PTPRQ: variants seen among roughly 807,000 people sequenced by gnomAD.
The protein encoded by PTPRQ is phosphatidylinositol phosphatase PTPRQ.
In PTPRQ, 199 loss-of-function variants were observed where a neutral mutation model predicts 246.0. That is an observed-to-expected ratio of 0.81 (90% CI 0.72 to 0.91). The LOEUF is 0.91. Ranked by LOEUF, PTPRQ falls within the 40% of genes least tolerant of loss-of-function variation. PTPRQ has a pLI of 0.00. For missense variants in PTPRQ, 2,624 were observed against 2,528.4 expected, an observed-to-expected ratio of 1.04 and a Z score of -0.81; for synonymous variants, 869 against 853.2, an observed-to-expected ratio of 1.02 and a Z score of -0.32.
intron 9 of PTPRQ, among the ~76,000 whole-genome samples, chr12:80,488,181 A>G (rs988580859): frequency 6.6e-6 from 1 of 151,620 alleles, no homozygotes; most frequent in Non-Finnish European, 1.5e-5. Context: ...TAATGTGATC[A>G]TGGGAGAGAC....
At chr12:80,514,730 GATT>G (rs894439665) in intron 17 of PTPRQ, among the ~76,000 whole-genome samples, 10 of 143,656 alleles carry the variant, frequency 7.0e-5, no homozygotes, top group African/African-American at 2.3e-4. Context: ...TATTATATAT[GATT>G]ATATTACATT....
At chr12:80,649,556 T>G (rs1221320500) in intron 36 of PTPRQ, 32 bp from the exon 37 acceptor site, 3 of 1,547,452 alleles carry the variant, frequency 1.9e-6, no homozygotes, top group Non-Finnish European at 2.6e-6. Flanking sequence ...CAATCTAACA[T>G]GACCCTATTT....
At chr12:80,637,649 A>C (rs896873933) in intron 35 of PTPRQ, among the ~76,000 whole-genome samples, 1 of 152,214 alleles carries the variant, frequency 6.6e-6, no homozygotes, top group Non-Finnish European at 1.5e-5. Context: ...CAGTACAGAG[A>C]TCTGTGTCCA....
intron 17 of PTPRQ, among the ~76,000 whole-genome samples, chr12:80,528,756 C>T (rs774574703): frequency 3.3e-5 from 5 of 152,206 alleles, no homozygotes; most frequent in Non-Finnish European, 7.3e-5. Flanking sequence ...TGAAATCTCT[C>T]TCTTTCAGTT....
intron 24 of PTPRQ, 31 bp downstream of exon 24, chr12:80,546,728 T>C: frequency 6.5e-7 from 1 of 1,540,292 alleles, no homozygotes. Context: ...CTAAAATGTT[T>C]CTTTTTATAT....
chr12:80,675,865 G>A (rs763643166), intron 43 of PTPRQ, among the ~76,000 whole-genome samples: 2 of 152,176 alleles, frequency 1.3e-5, no homozygotes, highest in Non-Finnish European at 2.9e-5. Flanking sequence ...TGTTGGCTCT[G>A]TGACTTTGTT....
chr12:80,480,803 A>T (rs888799238), intron 8 of PTPRQ, among the ~76,000 whole-genome samples: 2 of 152,110 alleles, frequency 1.3e-5, no homozygotes, highest in Non-Finnish European at 2.9e-5. Context: ...CGACACATAC[A>T]CTCTCCCAAG....
chr12:80,505,879 C>A, intron 14 of PTPRQ, 145 bp from the exon 15 acceptor site: 2 of 971,988 alleles, frequency 2.1e-6, no homozygotes, highest in Non-Finnish European at 2.8e-6. Context: ...TTTATTTATA[C>A]TTTACTTCAT....
intron 3 of PTPRQ, among the ~76,000 whole-genome samples, chr12:80,456,961 A>G (rs1050840641): frequency 1.3e-5 from 2 of 152,156 alleles, no homozygotes; most frequent in African/African-American, 4.8e-5. Context: ...CAGTTAAGCC[A>G]AGGTTATGAT....
chr12:80,601,111 T>G lies in PTPRQ; in HGVS notation c.4610-3948T>G, dbSNP rs533007346. ...CATGAGCTGACCACTATATTTAAAA[T>G]AGTAACGCCCTAAGCATCTTCATGC... is the stretch of plus-strand genomic sequence containing the variant. On this transcript the variant is annotated intron_variant, in intron 26 of 44. Coordinates refer to ENST00000644991, the MANE Select transcript of PTPRQ (RefSeq NM_001145026.2). Among the ~76,000 whole-genome samples, 3 of 152,018 alleles carry G rather than the reference T, an allele frequency of 2.0e-5. No individual in the cohort carries two copies. The East Asian group carries it at 5.8e-4, about 30-fold the overall frequency.
intron 8 of PTPRQ, among the ~76,000 whole-genome samples, chr12:80,474,657 A>G (rs1413374924): frequency 6.6e-6 from 1 of 152,246 alleles, no homozygotes; most frequent in Non-Finnish European, 1.5e-5. Context: ...CTCCAAAGCT[A>G]TAAAATGTCA....
intron 3 of PTPRQ, chr12:80,454,586 A>G (rs531764509): frequency 1.3e-5 from 9 of 701,940 alleles, no homozygotes; most frequent in African/African-American, 3.5e-5. Context: ...TCCGTTTAGG[A>G]TTATGTTGGC....
chr12:80,603,927 G>T (rs778326355), intron 26 of PTPRQ, among the ~76,000 whole-genome samples: 19 of 151,556 alleles, frequency 1.3e-4, no homozygotes, highest in Non-Finnish European at 2.5e-4. Context: ...CAACAATGTG[G>T]CAAATACTGA....
intron 14 of PTPRQ, among the ~76,000 whole-genome samples, chr12:80,501,713 A>G (rs1894804578): frequency 6.6e-6 from 1 of 151,940 alleles, no homozygotes; most frequent in South Asian, 2.1e-4. Flanking sequence ...GTCACTGGAA[A>G]TAGAAGGAAA....
intron 14 of PTPRQ, among the ~76,000 whole-genome samples, chr12:80,497,434 G>A (rs558736283): frequency 2.0e-5 from 3 of 152,176 alleles, no homozygotes; most frequent in East Asian, 1.9e-4. Flanking sequence ...TAATTCAGGC[G>A]ATAGGGAGTG....
chr12:80,555,118 T>C (rs1413512517), intron 25 of PTPRQ, among the ~76,000 whole-genome samples: 1 of 152,176 alleles, frequency 6.6e-6, no homozygotes, highest in Non-Finnish European at 1.5e-5. Flanking sequence ...TTTCACCATG[T>C]GGGCCAGTCT....
At chr12:80,655,849 A>G (rs1214103925) in intron 38 of PTPRQ, among the ~76,000 whole-genome samples, 1 of 152,172 alleles carries the variant, frequency 6.6e-6, no homozygotes, top group Non-Finnish European at 1.5e-5. Context: ...CCCCTGAGTA[A>G]TGTAAGAAGC....
Position 80,605,103 on chromosome 12 carries a change from C to T in PTPRQ, c.4654C>T (p.Pro1552Ser), listed in dbSNP as rs537118183. The T allele has an allele frequency of 1.3e-6, 2 of 1,545,310 alleles. No homozygotes were observed. The highest frequency in any genetic ancestry group is 1.7e-6 in the Non-Finnish European group (2 of 1,143,230). The change falls in exon 27 of 45, where the codon CCT becomes TCT. Residue 1552 changes from proline to serine, a missense_variant. Pro to Ser is a moderately conservative substitution (Grantham distance 74). Coordinates refer to ENST00000644991, the MANE Select transcript of PTPRQ (RefSeq NM_001145026.2). ...AAATGTTCATGTAGTAGCAACATCA[C>T]CTTTTAGCATCAGCATAAGCTGGAG... ...PENVHVVATS[P>S]FSISISWSEP...
chr12:80,452,433 G>A (rs557597011), intron 3 of PTPRQ, among the ~76,000 whole-genome samples: 13 of 152,268 alleles, frequency 8.5e-5, no homozygotes, highest in African/African-American at 1.9e-4. Flanking sequence ...TATTTTGCTC[G>A]TTAGTTGATG....
Sources: allele counts gnomAD v4.1 joint callset (sites outside exome capture counted in the v4.1 genomes callset), GRCh38; gene constraint gnomAD v4.1.1; transcripts MANE v1.5; gene names NCBI Gene and HGNC (gene_info 2026-07-23, HGNC 2026-07-21).